Variants in FNBP1 observed in about 807,000 individuals in gnomAD.
FNBP1 encodes the protein formin binding protein 1.
FNBP1 carries 26 observed loss-of-function variants against 90.6 expected under a neutral mutation model. The observed-to-expected ratio is 0.29, with a 90% CI of 0.21 to 0.40. The LOEUF (loss-of-function observed/expected upper bound fraction) is 0.40, where lower values mean the gene tolerates loss of function less well. Among genes scored for constraint, FNBP1 ranks in the 10% least tolerant of loss-of-function variants. FNBP1 has a pLI of 1.00. For missense variants in FNBP1, 635 were observed against 768.0 expected, an observed-to-expected ratio of 0.83 and a Z score of 2.05; for synonymous variants, 260 against 265.2, an observed-to-expected ratio of 0.98 and a Z score of 0.19.
At chr9:130,045,936 A>C (rs991658919), upstream of FNBP1, among the ~76,000 whole-genome samples, 2 of 152,194 alleles carry the variant, frequency 1.3e-5, no homozygotes, top group African/African-American at 2.4e-5. Flanking sequence ...CTTAGGAATC[A>C]GTTTTCACCA....
At chr9:129,954,151 A>G (rs1336951697) in intron 6 of FNBP1, among the ~76,000 whole-genome samples, 1 of 152,148 alleles carries the variant, frequency 6.6e-6, no homozygotes, top group East Asian at 1.9e-4. Context: ...TAAGGTGAGA[A>G]CATATTATGG....
chr9:129,948,356 C>CTTTTTTTTTTTTTTTTTT lies in FNBP1; in HGVS notation c.513+8986_513+9003dup, dbSNP rs71385491. On this transcript the variant is annotated intron_variant, in intron 6 of 16. Coordinates refer to ENST00000446176, the MANE Select transcript of FNBP1 (RefSeq NM_015033.3). ...TCATACAAAACACCTATTTTGGTGTCTTTTTTTTTTTTTTTTTTTTTTTTT... is the reference window on the plus strand; with the variant it reads ...TCATACAAAACACCTATTTTGGTGTCTTTTTTTTTTTTTTTTTTTTTTTTTTTTTTTTTTTTTTTTTTT... 2.6e-4 allele frequency among the ~76,000 whole-genome samples: 17 copies of CTTTTTTTTTTTTTTTTTT among 64,480 alleles called. 1 individual carries two copies. The highest frequency in any genetic ancestry group is 3.5e-4 in the African/African-American group (5 of 14,224). 42.3% of individuals were successfully genotyped at this position (64,480 alleles called of 152,430 possible).
Position 130,042,788 on chromosome 9 carries a change from G to A in FNBP1, c.24+164C>T, listed in dbSNP as rs2059956377. 6.6e-6 allele frequency among the ~76,000 whole-genome samples: 1 copy of A among 151,738 alleles called. No individual in the cohort carries two copies. ...GGCCCGCACCTCCTGCTCGGGCCAA[G>A]GCGGACGAGGGGCATTGGAACCCCG... On this transcript the variant is annotated intron_variant, in intron 1 of 16. Transcript: ENST00000446176. This position sits in a 1 kb window ranked among gnomAD's most constrained non-coding sequence, Gnocchi z 5.5.
chr9:129,899,833 T>A (rs1322924961), intron 15 of FNBP1, 132 bp downstream of exon 15: 6 of 668,746 alleles, frequency 9.0e-6, no homozygotes, highest in African/African-American at 2.5e-5. Flanking sequence ...GAAGGGAAGG[T>A]AGGAAGGAAG....
At chr9:130,043,449 C>G (rs1213653968), upstream of FNBP1, among the ~76,000 whole-genome samples, 1 of 152,258 alleles carries the variant, frequency 6.6e-6, no homozygotes, top group Non-Finnish European at 1.5e-5. Flanking sequence ...ACTGTCTGCT[C>G]GCAGTACTAG....
intron 1 of FNBP1, among the ~76,000 whole-genome samples, chr9:130,040,448 G>T (rs1403663850): frequency 6.6e-6 from 1 of 151,856 alleles, no homozygotes; most frequent in Non-Finnish European, 1.5e-5. Context: ...GCGAAACCCC[G>T]TCTCTACTAA....
At position 129,954,382 on chromosome 9, in the gene FNBP1, G is replaced by C. The variant is rs984793736; in HGVS notation, c.513+2978C>G. Among the ~76,000 whole-genome samples, 3 of 152,166 alleles carry C rather than the reference G, an allele frequency of 2.0e-5. No homozygotes were observed. In the East Asian group the frequency reaches 5.8e-4, roughly 29 times the overall value. On this transcript the variant is annotated intron_variant, in intron 6 of 16. Coordinates refer to ENST00000446176, the MANE Select transcript of FNBP1 (RefSeq NM_015033.3). ...AGAGCAAACACTCCAAAACTCATAA[G>C]TAATGCAAAGTAGAACAGACAAGAA...
the FNBP1 span, chr9:130,053,567 G>A: frequency 3.5e-6 from 1 of 289,336 alleles, no homozygotes; most frequent in Non-Finnish European, 6.6e-6. Context: ...CCGACACCGT[G>A]CGGCTGACAC....
chr9:129,911,140 G>T (rs1288359568), intron 11 of FNBP1, among the ~76,000 whole-genome samples: 1 of 152,154 alleles, frequency 6.6e-6, no homozygotes, highest in Non-Finnish European at 1.5e-5. Flanking sequence ...GGGATTACAG[G>T]AATGAGCCAC....
intron 2 of FNBP1, among the ~76,000 whole-genome samples, chr9:129,989,314 C>G (rs1185210199): frequency 6.6e-6 from 1 of 152,210 alleles, no homozygotes; most frequent in Non-Finnish European, 1.5e-5. Flanking sequence ...GTGTCTCGTT[C>G]ATTCAAGCAT....
At chr9:130,011,842 C>T (rs1050497092) in intron 1 of FNBP1, among the ~76,000 whole-genome samples, 6 of 152,120 alleles carry the variant, frequency 3.9e-5, no homozygotes, top group Admixed American at 3.9e-4. Flanking sequence ...CAATCCTCCC[C>T]TAGATTATCT....
intron 4 of FNBP1, among the ~76,000 whole-genome samples, chr9:129,961,150 T>C (rs2047749667): frequency 6.6e-6 from 1 of 151,736 alleles, no homozygotes. Context: ...CCGTCTCTAC[T>C]AAAAATACAA....
intron 6 of FNBP1, among the ~76,000 whole-genome samples, chr9:129,941,246 G>A (rs544029278): frequency 7.2e-5 from 11 of 152,156 alleles, no homozygotes; most frequent in East Asian, 5.8e-4. Context: ...AAAATTAGCC[G>A]TGCATGGTGG....
chr9:130,010,196 C>G (rs2056359489), intron 1 of FNBP1, among the ~76,000 whole-genome samples: 1 of 152,134 alleles, frequency 6.6e-6, no homozygotes, highest in Non-Finnish European at 1.5e-5. Flanking sequence ...TGTGAGATAT[C>G]CCTTGCAACA....
chr9:130,013,637 G>A, intron 1 of FNBP1: 1 of 450,776 alleles, frequency 2.2e-6, no homozygotes, highest in South Asian at 1.6e-5. Context: ...CAAGAGACAT[G>A]CATATGAATG....
chr9:129,952,500 G>A (rs1056725610), intron 6 of FNBP1, among the ~76,000 whole-genome samples: 5 of 151,678 alleles, frequency 3.3e-5, no homozygotes, highest in African/African-American at 1.2e-4. Context: ...TCAAAAAACA[G>A]AAAAAAACAA....
intron 11 of FNBP1, among the ~76,000 whole-genome samples, chr9:129,913,906 G>A (rs955514855): frequency 6.6e-6 from 1 of 151,634 alleles, no homozygotes; most frequent in African/African-American, 2.4e-5. Flanking sequence ...TTTGAGACAG[G>A]GTTTCATTCT....
chr9:130,009,620 G>C (rs562900291), intron 1 of FNBP1, among the ~76,000 whole-genome samples: 46 of 152,292 alleles, frequency 3.0e-4, no homozygotes, highest in Non-Finnish European at 5.9e-4. Context: ...GGCCAACATG[G>C]TGAAACCCCC....
intron 4 of FNBP1, among the ~76,000 whole-genome samples, chr9:129,968,012 C>T (rs2048883804): frequency 1.3e-5 from 2 of 151,366 alleles, no homozygotes; most frequent in Non-Finnish European, 2.9e-5. Context: ...GGGGGGTCAC[C>T]AGACCAGTGG....
Sources: allele counts gnomAD v4.1 joint callset (sites outside exome capture counted in the v4.1 genomes callset), GRCh38; gene constraint gnomAD v4.1.1; non-coding constraint Gnocchi (gnomAD v3.1); transcripts MANE v1.5; gene names NCBI Gene and HGNC (gene_info 2026-07-23, HGNC 2026-07-21).